The following PLCB1 variants were observed in gnomAD, a reference collection of about 807,000 sequenced individuals.
PLCB1 encodes phospholipase C beta 1.
PLCB1 carries 46 observed loss-of-function variants against 161.8 expected under a neutral mutation model. That is an observed-to-expected ratio of 0.28 (90% CI 0.22 to 0.36). The LOEUF (loss-of-function observed/expected upper bound fraction) is 0.36. Ranked by LOEUF, PLCB1 falls within the 10% of genes least tolerant of loss-of-function variation. The pLI is 1.00. For synonymous variants in PLCB1, 517 were observed against 503.7 expected (o/e 1.03, Z -0.35); for missense variants, 1,016 against 1,472.5 (o/e 0.69, Z 5.07).
chr20:8,682,395 G>A (rs773352163), intron 9 of PLCB1, among the ~76,000 whole-genome samples: 18 of 152,130 alleles, frequency 1.2e-4, no homozygotes, highest in Non-Finnish European at 1.8e-4. Context: ...CCAGCTACTC[G>A]GGAGGCTGAG....
chr20:8,145,358 T>C (rs1339070013), intron 1 of PLCB1, among the ~76,000 whole-genome samples: 1 of 152,130 alleles, frequency 6.6e-6, no homozygotes, highest in Non-Finnish European at 1.5e-5. Flanking sequence ...ATCATATCTG[T>C]AAAGACCCTA....
At chr20:8,257,334 A>T (rs1981479993) in intron 2 of PLCB1, among the ~76,000 whole-genome samples, 1 of 152,148 alleles carries the variant, frequency 6.6e-6, no homozygotes, top group South Asian at 2.1e-4. Context: ...AATTAGAGAA[A>T]ATGAAAAAGA....
At chr20:8,721,879 A>C (rs1979651992) in intron 14 of PLCB1, among the ~76,000 whole-genome samples, 1 of 152,120 alleles carries the variant, frequency 6.6e-6, no homozygotes, top group South Asian at 2.1e-4. Context: ...TCACTGAGCT[A>C]TGTGCTGGCC....
chr20:8,140,766 T>A (rs575718479), intron 1 of PLCB1, among the ~76,000 whole-genome samples: 1 of 152,194 alleles, frequency 6.6e-6, no homozygotes, highest in Non-Finnish European at 1.5e-5. Flanking sequence ...AGGGTCCTTT[T>A]AGTAACAACA....
chr20:8,194,869 A>G (rs957881501), intron 2 of PLCB1, among the ~76,000 whole-genome samples: 5 of 152,094 alleles, frequency 3.3e-5, no homozygotes, highest in African/African-American at 1.2e-4. Context: ...TGGTAGCACA[A>G]GTCCATCTGT....
At chr20:8,381,913 A>G (rs1448607164) in intron 3 of PLCB1, among the ~76,000 whole-genome samples, 1 of 152,016 alleles carries the variant, frequency 6.6e-6, no homozygotes, top group African/African-American at 2.4e-5. Context: ...TCCTGGATTC[A>G]TTGATTTTTT....
At chr20:8,235,630 A>G (rs1256045018) in intron 2 of PLCB1, among the ~76,000 whole-genome samples, 2 of 152,102 alleles carry the variant, frequency 1.3e-5, no homozygotes, top group Non-Finnish European at 2.9e-5. Flanking sequence ...CCTATTATTG[A>G]ACACTGCTTA....
Position 8,788,316 on chromosome 20 carries a change from G to A in PLCB1, c.3112-133G>A, listed in dbSNP as rs1983587563. The A allele has an allele frequency of 3.9e-6, 3 of 760,252 alleles. No individual in the cohort carries two copies. The Admixed American group carries it at 8.2e-5, about 21-fold the overall frequency. 47.1% of individuals were successfully genotyped at this position (760,252 alleles called of 1,614,324 possible). On this transcript the variant is annotated intron_variant, in intron 27 of 31. Coordinates refer to ENST00000338037, the MANE Select transcript of PLCB1 (RefSeq NM_015192.4). ...ATTGTCCTCATTGCCAATGTTAGAT[G>A]TCTGACAACTTTAACTATTGTGAAA...
At chr20:8,453,147 A>G (rs1981148896) in intron 3 of PLCB1, among the ~76,000 whole-genome samples, 1 of 152,208 alleles carries the variant, frequency 6.6e-6, no homozygotes, top group Non-Finnish European at 1.5e-5. Context: ...TAACATGCTC[A>G]TTCCAAAAAC....
chr20:8,870,493 C>A (rs1020109776), intron 31 of PLCB1, among the ~76,000 whole-genome samples: 1 of 152,082 alleles, frequency 6.6e-6, no homozygotes, highest in African/African-American at 2.4e-5. Flanking sequence ...GTGGCGGTTT[C>A]ATGGAATATA....
chr20:8,786,691 G>GTTT (rs539647446), intron 27 of PLCB1, among the ~76,000 whole-genome samples: 17 of 141,474 alleles, frequency 1.2e-4, no homozygotes, highest in African/African-American at 4.2e-4. Context: ...AATCTTTTTT[G>GTTT]TTTTTTTTTT....
chr20:8,821,490 A>T (rs1385595117), intron 31 of PLCB1, among the ~76,000 whole-genome samples: 1 of 46,604 alleles, frequency 2.1e-5, no homozygotes, highest in African/African-American at 7.7e-5. Context: ...AAAAAAAAAA[A>T]AAAAAAATAT....
chr20:8,161,133 CTG>C (rs1453965141), intron 2 of PLCB1, among the ~76,000 whole-genome samples: 1 of 151,814 alleles, frequency 6.6e-6, no homozygotes, highest in Non-Finnish European at 1.5e-5. Context: ...AATATATAGT[CTG>C]TATATTTATA....
intron 2 of PLCB1, among the ~76,000 whole-genome samples, chr20:8,333,108 A>G (rs1239915591): frequency 6.6e-6 from 1 of 152,182 alleles, no homozygotes; most frequent in Non-Finnish European, 1.5e-5. Context: ...GGTTACAGAG[A>G]TGCGCTTTCC....
intron 31 of PLCB1, among the ~76,000 whole-genome samples, chr20:8,881,222 A>C (rs1987969431): frequency 6.6e-6 from 1 of 151,730 alleles, no homozygotes; most frequent in South Asian, 2.1e-4. Flanking sequence ...TAAACTCCTG[A>C]CCTCAAGCAA....
intron 18 of PLCB1, among the ~76,000 whole-genome samples, chr20:8,732,816 GAT>G (rs1980339519): frequency 7.1e-6 from 1 of 140,698 alleles, no homozygotes; most frequent in Admixed American, 7.4e-5. Context: ...TTAGATATTA[GAT>G]ATTTTGTATA....
intron 4 of PLCB1, among the ~76,000 whole-genome samples, chr20:8,639,190 A>C (rs1227012167): frequency 6.6e-6 from 1 of 152,190 alleles, no homozygotes; most frequent in Non-Finnish European, 1.5e-5. Context: ...ATTGGAGGGA[A>C]GTTTCATAGG....
At position 8,620,178 on chromosome 20, in the gene PLCB1, T is replaced by C. The variant is rs573641507; in HGVS notation, c.247-8116T>C. ...GTCACATGTACATAAAGAATTAATA[T>C]ATTTTTGTGGTGACTGACATGATTG... is the stretch of plus-strand genomic sequence containing the variant. On this transcript the variant is annotated intron_variant, in intron 3 of 31. Transcript: ENST00000338037. 3.9e-5 allele frequency among the ~76,000 whole-genome samples: 6 copies of C among 152,284 alleles called. No homozygotes were observed. In the South Asian group the frequency reaches 6.2e-4, roughly 16 times the overall value.
chr20:8,554,090 A>G (rs1310679099), intron 3 of PLCB1, among the ~76,000 whole-genome samples: 2 of 152,102 alleles, frequency 1.3e-5, no homozygotes, highest in Middle Eastern at 3.4e-3. Flanking sequence ...AGGAAAAAAA[A>G]AAAACAGTAG....
Sources: gnomAD v4.1 joint callset for allele counts (sites outside exome capture counted in the v4.1 genomes callset) on GRCh38, gnomAD v4.1.1 for gene constraint, MANE v1.5 for transcripts, NCBI Gene and HGNC (gene_info 2026-07-23, HGNC 2026-07-21) for gene names.